Variants in FBXW2 observed in about 807,000 individuals in gnomAD.
FBXW2 encodes F-box/WD repeat-containing protein 2.
Under a neutral mutation model 46.0 loss-of-function variants are expected in FBXW2, and 12 were observed. That is an observed-to-expected ratio of 0.26 (90% confidence interval 0.17 to 0.42). FBXW2 has a LOEUF of 0.42. FBXW2 is among the 10% of genes least tolerant of loss of function. The pLI, the probability that FBXW2 is intolerant of heterozygous loss-of-function variation, is 1.00. For missense variants in FBXW2, 360 were observed against 537.0 expected (o/e 0.67, Z 3.26); for synonymous variants, 203 against 209.6 (o/e 0.97, Z 0.27).
intron 3 of FBXW2, 80 bp downstream of exon 3, chr9:120,787,689 C>T (rs532520935): frequency 2.8e-6 from 4 of 1,452,000 alleles, no homozygotes; most frequent in East Asian, 4.5e-5. Context: ...ACTTGTCATT[C>T]TCAAAGCTCA....
Position 120,761,226 on chromosome 9 carries a change from T to C in FBXW2, c.*3333A>G, listed in dbSNP as rs1193381527. 1 of 152,200 alleles carries C rather than the reference T, an allele frequency of 6.6e-6. No homozygotes were observed. Among genetic ancestry groups the C allele is most frequent in the African/African-American group, 2.4e-5 (1 of 41,436 alleles). 9.4% of individuals were successfully genotyped at this position (152,200 alleles called of 1,614,324 possible). ...TCCTTTGGAATGATGACAGAATCTA[T>C]CAGAAACTTCACACATCCACTCAGC... On this transcript the variant is annotated 3_prime_UTR_variant, in exon 8 of 8. Coordinates refer to ENST00000608872, the MANE Select transcript of FBXW2 (RefSeq NM_012164.4).
intron 7 of FBXW2, among the ~76,000 whole-genome samples, chr9:120,770,375 CA>C (rs1196542430): frequency 0.019 from 1,241 of 64,572 alleles, 10 homozygotes; most frequent in African/African-American, 0.048. Context: ...GACTCCATCT[CA>C]AAAAAAAAAA....
chr9:120,792,452 G>A (rs2131392767), intron 2 of FBXW2: 1 of 153,074 alleles, frequency 6.5e-6, no homozygotes, highest in East Asian at 1.9e-4. Context: ...AACCCTGGTT[G>A]CCTCCAGAGA....
chr9:120,768,191 T>A (rs1041149331), intron 7 of FBXW2, among the ~76,000 whole-genome samples: 2 of 152,222 alleles, frequency 1.3e-5, no homozygotes, highest in Non-Finnish European at 1.5e-5. Context: ...CTCCTGGTAC[T>A]TAGTTAAGGC....
rs2044231664 is a variant in FBXW2 at position 120,763,954 on chromosome 9, G to A, written c.*605C>T. 6.5e-6 allele frequency: 1 copy of A among 154,104 alleles called. No individual in the cohort carries two copies. The highest frequency in any genetic ancestry group is 6.5e-5 in the Admixed American group (1 of 15,324). 9.5% of individuals were successfully genotyped at this position (154,104 alleles called of 1,614,324 possible). ...ACATGGCCAACCTTGACTCTGCCAA[G>A]ATATAAGGTTTAGAATGAGTTGCTA... On this transcript the variant is annotated 3_prime_UTR_variant, in exon 8 of 8. Coordinates refer to ENST00000608872, the MANE Select transcript of FBXW2 (RefSeq NM_012164.4).
intron 7 of FBXW2, among the ~76,000 whole-genome samples, chr9:120,767,301 G>A (rs1012726652): frequency 1.3e-5 from 2 of 152,312 alleles, no homozygotes; most frequent in Middle Eastern, 3.4e-3. Flanking sequence ...TTGAAAAGCA[G>A]AGAGTAAGCT....
intron 3 of FBXW2, among the ~76,000 whole-genome samples, chr9:120,781,124 T>C (rs1045253294): frequency 2.6e-5 from 4 of 152,060 alleles, no homozygotes; most frequent in Non-Finnish European, 5.9e-5. Flanking sequence ...AGGAATAGTA[T>C]ATACCAAAAC....
At chr9:120,766,135 A>C (rs1307339998) in intron 7 of FBXW2, among the ~76,000 whole-genome samples, 1 of 152,182 alleles carries the variant, frequency 6.6e-6, no homozygotes, top group East Asian at 1.9e-4. Flanking sequence ...CCAAACTAGT[A>C]TAGGTTCAAG....
chr9:120,773,531 T>G (rs1564454043), intron 5 of FBXW2, among the ~76,000 whole-genome samples: 2 of 152,174 alleles, frequency 1.3e-5, no homozygotes, highest in Admixed American at 1.3e-4. Flanking sequence ...AAAGTAACAA[T>G]GTAAATTATA....
intron 3 of FBXW2, among the ~76,000 whole-genome samples, chr9:120,780,576 G>A (rs556416029): frequency 5.3e-5 from 8 of 152,254 alleles, no homozygotes; most frequent in South Asian, 4.1e-4. Flanking sequence ...ACCGGAGAGC[G>A]TAAGCCTAGA....
At chr9:120,778,666 AC>A in intron 3 of FBXW2, 121 bp from the exon 4 acceptor site, 1 of 817,894 alleles carries the variant, frequency 1.2e-6, no homozygotes, top group Non-Finnish European at 1.9e-6. Flanking sequence ...ACTTTACTTT[AC>A]CACTGAAGAA....
At chr9:120,784,912 CCT>C (rs1280684715) in intron 3 of FBXW2, among the ~76,000 whole-genome samples, 1 of 147,342 alleles carries the variant, frequency 6.8e-6, no homozygotes, top group Non-Finnish European at 1.5e-5. Flanking sequence ...CAGAGGAGCT[CCT>C]GTTTCAAAAA....
intron 2 of FBXW2, 172 bp downstream of exon 2, chr9:120,792,977 T>C: frequency 6.5e-7 from 1 of 1,533,922 alleles, no homozygotes; most frequent in Non-Finnish European, 8.7e-7. Context: ...TTTCAAACGT[T>C]TGGTAGCCCT....
At chr9:120,786,113 A>C (rs1445800375) in intron 3 of FBXW2, among the ~76,000 whole-genome samples, 3 of 152,090 alleles carry the variant, frequency 2.0e-5, no homozygotes, top group Admixed American at 1.3e-4. Flanking sequence ...AAATGAATTC[A>C]AGGGAAAAAG....
At position 120,771,442 on chromosome 9, in the gene FBXW2, G is replaced by C; in HGVS notation, c.982C>G (p.Leu328Val). 3 of 1,614,172 alleles carry C rather than the reference G, an allele frequency of 1.9e-6. No homozygotes were observed. The highest frequency in any genetic ancestry group is 2.5e-6 in the Non-Finnish European group (3 of 1,180,012). The change falls in exon 7 of 8, where the codon CTG becomes GTG. Residue 328 changes from leucine to valine, a missense_variant. Coordinates refer to ENST00000608872, the MANE Select transcript of FBXW2 (RefSeq NM_012164.4). ...CCATCAAAATGAAGTCTTGGCTGCAGGCAGATACTTCTATCCTCAGAGACA... is the reference window on the plus strand; with the variant it reads ...CCATCAAAATGAAGTCTTGGCTGCACGCAGATACTTCTATCCTCAGAGACA... ...LSVSEDRSICLQPRLHFDGKY... is the reference protein window; with the variant it reads ...LSVSEDRSICVQPRLHFDGKY...
intron 3 of FBXW2, among the ~76,000 whole-genome samples, chr9:120,780,921 C>T (rs1195445634): frequency 6.6e-6 from 1 of 152,060 alleles, no homozygotes; most frequent in Non-Finnish European, 1.5e-5. Flanking sequence ...GAATTTATGA[C>T]CATGCTCTAT....
In FBXW2 at chr9:120,764,126, A is replaced by G. The variant is rs1288459357; in HGVS notation, c.*433T>C. On this transcript the variant is annotated 3_prime_UTR_variant, in exon 8 of 8. Transcript: ENST00000608872. ...AACCCCGTGTGAGGAAAGTTGCTGT[A>G]ACAACATCATAGCACCTTTGCTTCA... 3.0e-6 allele frequency: 1 copy of G among 338,042 alleles called. No homozygotes were observed. The highest frequency in any genetic ancestry group is 5.3e-6 in the Non-Finnish European group (1 of 189,026). The allele number at this position is 338,042 out of a possible 1,614,324, so 20.9% of individuals were successfully genotyped here. A position where few individuals can be genotyped will look rare whatever the true frequency, so the allele number is the denominator to read the frequency against.
chr9:120,764,565 G>A lies in FBXW2; in HGVS notation c.1359C>T (p.His453=), dbSNP rs374607349. 1.9e-5 allele frequency: 30 copies of A among 1,611,792 alleles called. No homozygotes were observed. Among genetic ancestry groups the A allele is most frequent in the African/African-American group, 1.6e-4 (12 of 74,876 alleles). ...HSIHLVLWKE[H]G is the part of the protein sequence containing the mutation. ...GCGGTGGTGGCTCATGGTGTCAGCC[G>A]TGCTCCTTCCACAACACCAGGTGAA... The change falls in exon 8 of 8, where the codon CAC becomes CAT. Residue 453 remains histidine, a synonymous_variant. Transcript: ENST00000608872.
Position 120,787,863 on chromosome 9 carries a change from T to C in FBXW2, c.396A>G (p.Gln132=), listed in dbSNP as rs13295390. The C allele has an allele frequency of 0.013, 21,770 of 1,614,196 alleles. 208 individuals are homozygous for C. Among genetic ancestry groups the C allele is most frequent in the Non-Finnish European group, 0.015 (17,643 of 1,180,020 alleles). Reference sequence around the variant, plus strand: ...TTTCAAAGGCTTCATGGTCCTCCAGTTGCTTCATTCTCAAAATAGCCTTCA... The same window carrying C: ...TTTCAAAGGCTTCATGGTCCTCCAGCTGCTTCATTCTCAAAATAGCCTTCA... ...VYLKAILRMK[Q]LEDHEAFETS... is the part of the protein sequence containing the mutation. Residue 132 remains glutamine, a synonymous_variant, in exon 3 of 8, where the codon CAA becomes CAG. Coordinates refer to ENST00000608872, the MANE Select transcript of FBXW2 (RefSeq NM_012164.4).
Sources: gnomAD v4.1 joint callset for allele counts (sites outside exome capture counted in the v4.1 genomes callset) on GRCh38, gnomAD v4.1.1 for gene constraint, MANE v1.5 for transcripts, NCBI Gene and HGNC (gene_info 2026-07-23, HGNC 2026-07-21) for gene names.